DLC1: variants seen among roughly 807,000 people sequenced by gnomAD.
The protein encoded by DLC1 is rho GTPase-activating protein 7.
A neutral mutation model predicts 140.3 loss-of-function variants in DLC1; 54 were observed. That is an observed-to-expected ratio of 0.38 (90% CI 0.31 to 0.48). The LOEUF is 0.48. DLC1 is among the 20% of genes least tolerant of loss of function. The pLI is 0.96. For synonymous variants in DLC1, 986 were observed against 728.1 expected, an observed-to-expected ratio of 1.35 and a Z score of -5.70; for missense variants, 2,536 against 1,907.0, an observed-to-expected ratio of 1.33 and a Z score of -6.14.
At chr8:13,125,470 T>C (rs946837810) in intron 5 of DLC1, among the ~76,000 whole-genome samples, 5 of 152,208 alleles carry the variant, frequency 3.3e-5, no homozygotes, top group Non-Finnish European at 7.3e-5. Flanking sequence ...ATCTTTCATG[T>C]TTACAGCAGC....
intron 5 of DLC1, among the ~76,000 whole-genome samples, chr8:13,123,300 T>A (rs1379644260): frequency 6.6e-6 from 1 of 151,746 alleles, no homozygotes; most frequent in African/African-American, 2.4e-5. Context: ...ACCGGCCTCC[T>A]CTCATGCCCT....
intron 1 of DLC1, among the ~76,000 whole-genome samples, chr8:13,542,630 G>C (rs1477428770): frequency 1.3e-5 from 2 of 152,010 alleles, no homozygotes; most frequent in East Asian, 1.9e-4. Context: ...ATATACATGG[G>C]AGAGCTACAC....
At chr8:13,441,735 C>G (rs1017106443) in intron 2 of DLC1, among the ~76,000 whole-genome samples, 7 of 152,090 alleles carry the variant, frequency 4.6e-5, no homozygotes, top group Non-Finnish European at 1.0e-4. Flanking sequence ...GAGGAACATT[C>G]CATGCTCATG....
intron 1 of DLC1, among the ~76,000 whole-genome samples, chr8:13,553,499 C>T (rs1488876465): frequency 6.6e-6 from 1 of 151,434 alleles, no homozygotes; most frequent in Non-Finnish European, 1.5e-5. Context: ...CCATTTTCTT[C>T]CCGGTTTTTA....
chr8:13,524,023 T>G (rs1369464852), intron 1 of DLC1, among the ~76,000 whole-genome samples: 1 of 151,570 alleles, frequency 6.6e-6, no homozygotes, highest in Non-Finnish European at 1.5e-5. Context: ...GTGACGCATG[T>G]GAAAATGTCA....
intron 1 of DLC1, among the ~76,000 whole-genome samples, chr8:13,530,314 A>C (rs117116426): frequency 1.3e-5 from 2 of 152,164 alleles, no homozygotes; most frequent in Non-Finnish European, 2.9e-5. Flanking sequence ...TCTTAAGGTA[A>C]ATAGAATAAT....
At chr8:13,551,866 GTA>G (rs141222211) in intron 1 of DLC1, among the ~76,000 whole-genome samples, 3,506 of 136,140 alleles carry the variant, frequency 0.026, 119 homozygotes, top group African/African-American at 0.087. Flanking sequence ...ACAAGTGTGT[GTA>G]TATATATATA....
chr8:13,537,137 A>G (rs545946663), intron 1 of DLC1, among the ~76,000 whole-genome samples: 121 of 152,184 alleles, frequency 8.0e-4, no homozygotes, highest in Non-Finnish European at 1.3e-3. Flanking sequence ...AAAAAAAACC[A>G]CTAGTCTGCT....
chr8:13,405,321 G>T (rs1192290694), intron 2 of DLC1, among the ~76,000 whole-genome samples: 1 of 151,666 alleles, frequency 6.6e-6, no homozygotes, highest in Non-Finnish European at 1.5e-5. Context: ...GTGGTCCTCA[G>T]TGACTATTGT....
At chr8:13,325,093 CAG>C (rs1833284234) in intron 4 of DLC1, among the ~76,000 whole-genome samples, 1 of 152,188 alleles carries the variant, frequency 6.6e-6, no homozygotes, top group Non-Finnish European at 1.5e-5. Context: ...AAGCTCACAA[CAG>C]AGAGGTTTCT....
At chr8:13,603,790 A>G (rs879859852) in intron 1 of DLC1, among the ~76,000 whole-genome samples, 3 of 152,102 alleles carry the variant, frequency 2.0e-5, no homozygotes, top group Non-Finnish European at 4.4e-5. Flanking sequence ...GTATCTGTTC[A>G]TTCAATTAAC....
chr8:13,221,747 AT>A (rs1828566389), intron 5 of DLC1, among the ~76,000 whole-genome samples: 3 of 132,554 alleles, frequency 2.3e-5, no homozygotes, highest in African/African-American at 9.0e-5. Context: ...TATATATATG[AT>A]AAACCATTAT....
chr8:13,125,828 G>A lies in DLC1; in HGVS notation c.1349-10171C>T, dbSNP rs77060656. On this transcript the variant is annotated intron_variant, in intron 5 of 17. Transcript: ENST00000276297. ...ACATTCCTAGAAATTATAGAAAGGA[G>A]GGGAAAAAGGACCCATTTTCCCTGT... Among the ~76,000 whole-genome samples the A allele has an allele frequency of 5.8e-3, 883 of 151,888 alleles. 12 individuals are homozygous for A. The highest frequency in any genetic ancestry group is 0.02 in the African/African-American group (841 of 41,396).
At chr8:13,314,893 A>T (rs73663540) in intron 4 of DLC1, among the ~76,000 whole-genome samples, 2,910 of 152,324 alleles carry the variant, frequency 0.019, 112 homozygotes, top group African/African-American at 0.065. Context: ...TATTCATTGT[A>T]GTGGTAACCA....
intron 12 of DLC1, among the ~76,000 whole-genome samples, chr8:13,094,391 C>A (rs564206064): frequency 6.6e-6 from 1 of 152,142 alleles, no homozygotes; most frequent in African/African-American, 2.4e-5. Flanking sequence ...CAAGGCCAGG[C>A]GTGGTGGCTC....
intron 4 of DLC1, among the ~76,000 whole-genome samples, chr8:13,352,222 A>G (rs1834707568): frequency 6.6e-6 from 1 of 152,228 alleles, no homozygotes; most frequent in African/African-American, 2.4e-5. Context: ...GAACACACGC[A>G]CGGCCCTCTC....
At chr8:13,297,823 A>G (rs2117489262) in intron 5 of DLC1, among the ~76,000 whole-genome samples, 1 of 152,338 alleles carries the variant, frequency 6.6e-6, no homozygotes, top group Non-Finnish European at 1.5e-5. Flanking sequence ...GATCCAAGCA[A>G]TGATGATCAG....
chr8:13,376,598 G>C (rs994003404), intron 4 of DLC1, among the ~76,000 whole-genome samples: 2 of 152,216 alleles, frequency 1.3e-5, no homozygotes, highest in Non-Finnish European at 2.9e-5. Flanking sequence ...AATAAGGCAG[G>C]TGGGTAGCTC....
At chr8:13,588,461 G>C (rs1805406199) in intron 1 of DLC1, among the ~76,000 whole-genome samples, 1 of 152,052 alleles carries the variant, frequency 6.6e-6, no homozygotes, top group Non-Finnish European at 1.5e-5. Flanking sequence ...AAACTTAGGA[G>C]GCAGCAGAAT....
Sources: gnomAD v4.1 joint callset for allele counts (sites outside exome capture counted in the v4.1 genomes callset) on GRCh38, gnomAD v4.1.1 for gene constraint, MANE v1.5 for transcripts, NCBI Gene and HGNC (gene_info 2026-07-23, HGNC 2026-07-21) for gene names.